The following LRRC8C variants were observed in gnomAD, a reference collection of about 807,000 sequenced individuals.
LRRC8C encodes leucine rich repeat containing 8 VRAC subunit C.
A neutral mutation model predicts 55.3 loss-of-function variants in LRRC8C; 20 were observed. That is an observed-to-expected ratio of 0.36 (90% CI 0.25 to 0.53). The LOEUF (loss-of-function observed/expected upper bound fraction) is 0.53, where lower values mean the gene tolerates loss of function less well. Ranked by LOEUF, LRRC8C falls within the 20% of genes least tolerant of loss-of-function variation. The pLI is 0.92. For missense variants in LRRC8C, 659 were observed against 951.4 expected (o/e 0.69, Z 4.04); for synonymous variants, 376 against 360.7 (o/e 1.04, Z -0.48).
At chr1:89,671,666 T>C (rs1344725231) in intron 1 of LRRC8C, among the ~76,000 whole-genome samples, 1 of 152,170 alleles carries the variant, frequency 6.6e-6, no homozygotes, top group Non-Finnish European at 1.5e-5. Flanking sequence ...ACATAGGCTA[T>C]TGAGCCAGAT....
chr1:89,636,588 G>T (rs530233000), intron 1 of LRRC8C, among the ~76,000 whole-genome samples: 1 of 151,800 alleles, frequency 6.6e-6, no homozygotes, highest in Admixed American at 6.6e-5. Flanking sequence ...TATCACTCAG[G>T]GTACCATGAC....
At position 89,714,430 on chromosome 1, in the gene LRRC8C, G is replaced by T. The variant is rs768614196; in HGVS notation, c.1860G>T (p.Lys620Asn). 3 of 1,614,012 alleles carry T rather than the reference G, an allele frequency of 1.9e-6. No individual in the cohort carries two copies. The highest frequency in any genetic ancestry group is 2.2e-5 in the East Asian group (1 of 44,896). Residue 620 changes from lysine to asparagine, a missense_variant, in exon 3 of 3, where the codon AAG becomes AAT. This residue lies in a region of LRRC8C where 344 missense variants were observed against 464.6 expected (regional missense o/e 0.74). Transcript: ENST00000370454. This position sits in a 1 kb window ranked among gnomAD's most constrained non-coding sequence, Gnocchi z 4.6. Reference sequence around the variant, plus strand: ...TCAGCCTCCAGGAATTGGACCTGAAGGAAAACAATCTGAAATCTATAGAAG... The same window carrying T: ...TCAGCCTCCAGGAATTGGACCTGAATGAAAACAATCTGAAATCTATAGAAG... ...SLLSLQELDL[K>N]ENNLKSIEEI... is the part of the protein sequence containing the mutation.
rs1182408446 is a variant in LRRC8C at position 89,717,295 on chromosome 1, C to T, written c.*2313C>T. ...ATTTATAGTTATTTTCTATATTACC[C>T]TTCAAAAGGGATCTCTTCAGGTTAA... On this transcript the variant is annotated 3_prime_UTR_variant, in exon 3 of 3. Transcript: ENST00000370454. 6.6e-6 allele frequency: 1 copy of T among 152,084 alleles called. No individual in the cohort carries two copies. The highest frequency in any genetic ancestry group is 1.5e-5 in the Non-Finnish European group (1 of 68,004). 9.4% of individuals were successfully genotyped at this position (152,084 alleles called of 1,614,324 possible).
chr1:89,630,164 T>C (rs115416763), upstream of LRRC8C, among the ~76,000 whole-genome samples: 1,479 of 152,170 alleles, frequency 9.7e-3, 23 homozygotes, highest in African/African-American at 0.033. Context: ...ATTAATTAAT[T>C]ACGCCTTCAA....
chr1:89,670,027 T>C (rs930003727), intron 1 of LRRC8C, among the ~76,000 whole-genome samples: 1 of 152,208 alleles, frequency 6.6e-6, no homozygotes, highest in African/African-American at 2.4e-5. Context: ...TGTTTAACTT[T>C]TTTAATTATT....
At chr1:89,686,297 T>A (rs1231862591) in intron 1 of LRRC8C, among the ~76,000 whole-genome samples, 173 bp from the exon 2 acceptor site, 1 of 152,214 alleles carries the variant, frequency 6.6e-6, no homozygotes, top group Non-Finnish European at 1.5e-5. Context: ...GTGGGTCTCC[T>A]TATTTCCTCA....
At chr1:89,708,682 C>T (rs1166141450) in intron 2 of LRRC8C, 1 of 151,672 alleles carries the variant, frequency 6.6e-6, no homozygotes, top group Non-Finnish European at 1.5e-5. Flanking sequence ...CAGTTCTTCC[C>T]CACATTGCAG....
chr1:89,694,585 C>CTTTTTTTTTTT (rs33917661), intron 2 of LRRC8C, among the ~76,000 whole-genome samples: 1 of 83,282 alleles, frequency 1.2e-5, no homozygotes, highest in African/African-American at 4.9e-5. Flanking sequence ...TGCCCAGCTT[C>CTTTTTTTTTTT]TTTTTTTTTT....
the LRRC8C span, among the ~76,000 whole-genome samples, chr1:89,627,804 G>C: frequency 1.3e-5 from 2 of 152,134 alleles, no homozygotes; most frequent in Admixed American, 6.5e-5. Flanking sequence ...CCTGTGTAAT[G>C]GATAGCTATG....
upstream of LRRC8C, chr1:89,632,947 G>A (rs1656153544): frequency 6.6e-6 from 1 of 152,332 alleles, no homozygotes; most frequent in East Asian, 1.9e-4. Context: ...GGCGCGGCCT[G>A]CGTCACAGCG....
chr1:89,629,766 A>C (rs1656058492), upstream of LRRC8C: 1 of 152,272 alleles, frequency 6.6e-6, no homozygotes, highest in Admixed American at 6.5e-5. Context: ...TAAAGAGACA[A>C]ATGAGAGCAT....
At position 89,712,695 on chromosome 1, in the gene LRRC8C, T is replaced by C; in HGVS notation, c.139-14T>C. The C allele has an allele frequency of 6.3e-7, 1 of 1,581,318 alleles. No individual in the cohort carries two copies. Among genetic ancestry groups the C allele is most frequent in the East Asian group, 2.2e-5 (1 of 44,652 alleles). On this transcript the variant is annotated splice_polypyrimidine_tract_variant and intron_variant, in intron 2 of 2. Transcript: ENST00000370454. Reference sequence around the variant, plus strand: ...TGAGTAATATAATTTGAAAATATTATTTCCATGTTTCAGGTCATGCAAGAC... The same window carrying C: ...TGAGTAATATAATTTGAAAATATTACTTCCATGTTTCAGGTCATGCAAGAC...
At chr1:89,651,104 C>G (rs1249657099) in intron 1 of LRRC8C, among the ~76,000 whole-genome samples, 1 of 152,188 alleles carries the variant, frequency 6.6e-6, no homozygotes, top group Non-Finnish European at 1.5e-5. Flanking sequence ...CTGACAATAA[C>G]TGTTTCTCTT....
intron 1 of LRRC8C, among the ~76,000 whole-genome samples, chr1:89,667,044 C>T (rs1213167853): frequency 6.6e-6 from 1 of 151,978 alleles, no homozygotes; most frequent in Non-Finnish European, 1.5e-5. Context: ...AATAGGGTAG[C>T]CAGAAAAGGT....
At chr1:89,648,394 TTA>T (rs1227763263) in intron 1 of LRRC8C, among the ~76,000 whole-genome samples, 1 of 152,198 alleles carries the variant, frequency 6.6e-6, no homozygotes, top group Non-Finnish European at 1.5e-5. Flanking sequence ...CAGACACTAG[TTA>T]TAATTCATTG....
intron 1 of LRRC8C, among the ~76,000 whole-genome samples, chr1:89,639,008 T>G (rs932855743): frequency 6.6e-6 from 1 of 150,440 alleles, no homozygotes; most frequent in African/African-American, 2.4e-5. Flanking sequence ...TGAGACAGAG[T>G]TTTACTCTGT....
intron 2 of LRRC8C, among the ~76,000 whole-genome samples, chr1:89,709,901 G>A (rs1378604449): frequency 3.9e-5 from 6 of 151,924 alleles, no homozygotes; most frequent in Non-Finnish European, 1.5e-5. Context: ...ACAGGCGCCC[G>A]CCACCGCGCC....
chr1:89,686,251 A>T (rs1441080761), intron 1 of LRRC8C, among the ~76,000 whole-genome samples: 1 of 152,160 alleles, frequency 6.6e-6, no homozygotes, highest in African/African-American at 2.4e-5. Context: ...GAACCTTGTC[A>T]TTGGACAAGA....
At chr1:89,705,907 G>A (rs1457327279) in intron 2 of LRRC8C, among the ~76,000 whole-genome samples, 1 of 152,020 alleles carries the variant, frequency 6.6e-6, no homozygotes, top group Non-Finnish European at 1.5e-5. Flanking sequence ...CTCTTGAAAG[G>A]CACAAAATTA....
Sources: gnomAD v4.1 joint callset for allele counts (sites outside exome capture counted in the v4.1 genomes callset) on GRCh38, gnomAD v4.1.1 for gene constraint, gnomAD v4.1.1 regional missense constraint, Gnocchi (gnomAD v3.1) non-coding constraint, MANE v1.5 for transcripts, NCBI Gene and HGNC (gene_info 2026-07-23, HGNC 2026-07-21) for gene names.